USO1: variants seen among roughly 807,000 people sequenced by gnomAD.
The protein encoded by USO1 is general vesicular transport factor p115.
A neutral mutation model predicts 124.5 loss-of-function variants in USO1; 57 were observed. The ratio of observed to expected loss-of-function variants is 0.46; its 90% CI spans 0.37 to 0.57. The LOEUF is 0.57. Among genes scored for constraint, USO1 ranks in the 20% least tolerant of loss-of-function variants. The pLI is 0.00. For missense variants in USO1, 900 were observed against 1,040.6 expected, an observed-to-expected ratio of 0.86 and a Z score of 1.86; for synonymous variants, 369 against 362.8, an observed-to-expected ratio of 1.02 and a Z score of -0.19.
At chr4:75,771,184 T>C (rs899078280) in intron 7 of USO1, 47 bp downstream of exon 7, 1 of 1,546,416 alleles carries the variant, frequency 6.5e-7, no homozygotes, top group South Asian at 1.2e-5. Context: ...GGCTTTTTTT[T>C]CTCTTGCAAA....
chr4:75,775,953 T>A (rs1183522904), intron 8 of USO1, among the ~76,000 whole-genome samples: 2 of 152,128 alleles, frequency 1.3e-5, no homozygotes, highest in Non-Finnish European at 2.9e-5. Flanking sequence ...TCGCCAAAGA[T>A]GAGGCAAAAA....
intron 3 of USO1, among the ~76,000 whole-genome samples, chr4:75,756,328 A>G (rs894208416): frequency 6.6e-6 from 1 of 152,056 alleles, no homozygotes; most frequent in Non-Finnish European, 1.5e-5. Flanking sequence ...GCAGGAAAAA[A>G]GAAGCAGATT....
chr4:75,787,519 A>G lies in USO1; in HGVS notation c.996+317A>G, dbSNP rs142901050. 8.7e-4 allele frequency among the ~76,000 whole-genome samples: 133 copies of G among 152,284 alleles called. 1 individual carries two copies. The highest frequency in any genetic ancestry group is 3.0e-3 in the African/African-American group (126 of 41,570). ...TCGTTTTTATTTTGAGAACAAAGTG[A>G]CTTAGTCTTACTCAACCGGCAGATT... On this transcript the variant is annotated intron_variant, in intron 10 of 23. Coordinates refer to ENST00000514213, the MANE Select transcript of USO1 (RefSeq NM_003715.4).
At chr4:75,725,026 C>A (rs1048079517) in intron 1 of USO1, 141 bp downstream of exon 1, 2 of 846,026 alleles carry the variant, frequency 2.4e-6, no homozygotes, top group Non-Finnish European at 3.7e-6. Context: ...GCCCTCCTTC[C>A]GCTCCTGAAA....
chr4:75,760,708 A>T (rs1721580758), intron 4 of USO1: 1 of 392,512 alleles, frequency 2.5e-6, no homozygotes, highest in South Asian at 1.3e-4. Flanking sequence ...TAAAAAAAAA[A>T]TCTGAAATTT....
intron 4 of USO1, chr4:75,770,229 C>A: frequency 2.9e-6 from 1 of 341,478 alleles, no homozygotes; most frequent in Non-Finnish European, 5.1e-6. Flanking sequence ...CATATTTAAA[C>A]ATTTAGCCAA....
chr4:75,754,899 TG>T (rs1289205879), intron 3 of USO1, among the ~76,000 whole-genome samples: 1 of 152,202 alleles, frequency 6.6e-6, no homozygotes, highest in African/African-American at 2.4e-5. Flanking sequence ...ATAGTTTCTG[TG>T]GATCAGGAAT....
rs144439544 is a variant in USO1, at chr4:75,805,294, T to C, written c.2280T>C (p.Ile760=). The C allele has an allele frequency of 1.1e-4, 182 of 1,599,402 alleles. No individual in the cohort carries two copies. The African/African-American group carries it at 2.2e-3, about 19-fold the overall frequency. Residue 760 remains isoleucine, a synonymous_variant, in exon 19 of 24, where the codon ATT becomes ATC. Transcript: ENST00000514213. ...QSQLTEKDSM[I]ENMKSSQTSG... is the part of the protein sequence containing the mutation. ...AGCTGACTGAAAAGGACTCTATGATTGAAAATATGGTAAAGTAAATGTTTA... is the reference window on the plus strand; with the variant it reads ...AGCTGACTGAAAAGGACTCTATGATCGAAAATATGGTAAAGTAAATGTTTA...
intron 1 of USO1, among the ~76,000 whole-genome samples, chr4:75,725,158 A>G (rs574369363): frequency 6.6e-6 from 1 of 152,326 alleles, no homozygotes; most frequent in South Asian, 2.1e-4. Flanking sequence ...AGTGGTCCGC[A>G]GGTGGTACCG....
intron 1 of USO1, among the ~76,000 whole-genome samples, chr4:75,729,031 C>T (rs145512170): frequency 7.2e-5 from 11 of 152,240 alleles, no homozygotes; most frequent in African/African-American, 2.6e-4. Flanking sequence ...CTCCTGACTT[C>T]GTGATCCGCC....
intron 1 of USO1, among the ~76,000 whole-genome samples, chr4:75,746,254 A>G (rs190385595): frequency 6.6e-6 from 1 of 152,316 alleles, no homozygotes; most frequent in East Asian, 1.9e-4. Flanking sequence ...ACTTAAAGAT[A>G]CTCACAACTC....
At chr4:75,788,203 T>C (rs1722421834) in intron 10 of USO1, among the ~76,000 whole-genome samples, 1 of 149,480 alleles carries the variant, frequency 6.7e-6, no homozygotes, top group African/African-American at 2.5e-5. Flanking sequence ...AGTCTCAGTC[T>C]GTTGCCCAGG....
In USO1 at chr4:75,799,693, A is replaced by G; in HGVS notation, c.1524A>G (p.Ala508=). The change falls in exon 14 of 24, where the codon GCA becomes GCG. Residue 508 remains alanine (A), a synonymous_variant. Coordinates refer to ENST00000514213, the MANE Select transcript of USO1 (RefSeq NM_003715.4). ...LCTWLSNCPI[A]VTHFLHNSAN... is the part of the protein sequence containing the mutation. Reference sequence around the variant, plus strand: ...CCTGGCTAAGCAATTGTCCCATTGCAGTAACGCATTTTCTTCACAATTCAG... The same window carrying G: ...CCTGGCTAAGCAATTGTCCCATTGCGGTAACGCATTTTCTTCACAATTCAG... The G allele has an allele frequency of 6.2e-7, 1 of 1,613,836 alleles. No homozygotes were observed. Among genetic ancestry groups the G allele is most frequent in the Non-Finnish European group, 8.5e-7 (1 of 1,179,790 alleles).
intron 14 of USO1, 52 bp from the exon 15 acceptor site, chr4:75,800,299 G>T: frequency 6.6e-7 from 1 of 1,522,280 alleles, no homozygotes; most frequent in Admixed American, 2.2e-5. Context: ...AATTCAAATT[G>T]CAAAATGTAC....
At position 75,795,221 on chromosome 4, in the gene USO1, A is replaced by T; in HGVS notation, c.1452+1320A>T. 6 of 662,540 alleles carry T rather than the reference A, an allele frequency of 9.1e-6. No individual in the cohort carries two copies. In the South Asian group the frequency reaches 1.0e-4, roughly 11 times the overall value. 41.0% of individuals were successfully genotyped at this position (662,540 alleles called of 1,614,324 possible). On this transcript the variant is annotated intron_variant, in intron 13 of 23. Transcript: ENST00000514213. ...TATCATTAGAACCATCCTGTCCCAAATTATTGGCTTGAGTTTGTAGAGAGA... is the reference window on the plus strand; with the variant it reads ...TATCATTAGAACCATCCTGTCCCAATTTATTGGCTTGAGTTTGTAGAGAGA...
chr4:75,741,271 G>A (rs997463191), intron 1 of USO1, among the ~76,000 whole-genome samples: 2 of 152,114 alleles, frequency 1.3e-5, no homozygotes, highest in African/African-American at 2.4e-5. Flanking sequence ...TATATAGGTC[G>A]CTTAATCATG....
intron 8 of USO1, among the ~76,000 whole-genome samples, chr4:75,776,022 A>G (rs1438838058): frequency 6.6e-6 from 1 of 152,232 alleles, no homozygotes; most frequent in Non-Finnish European, 1.5e-5. Context: ...AGTAGACAGC[A>G]GAGCTTAGAG....
At position 75,726,621 on chromosome 4, in the gene USO1, A is replaced by G. The variant is rs192424968; in HGVS notation, c.66+1736A>G. The stretch of plus-strand genomic sequence containing the variant: ...TGGTTAGAATTGTTTAAAGCATAAG[A>G]TGAAAGCCGGTAAATCTGTTTCTTT... On this transcript the variant is annotated intron_variant, in intron 1 of 23. Coordinates refer to ENST00000514213, the MANE Select transcript of USO1 (RefSeq NM_003715.4). 3.6e-3 allele frequency among the ~76,000 whole-genome samples: 544 copies of G among 152,080 alleles called. 3 individuals are homozygous for G. The highest frequency in any genetic ancestry group is 0.013 in the African/African-American group (529 of 41,490).
At chr4:75,757,454 C>G in intron 3 of USO1, 43 bp from the exon 4 acceptor site, 2 of 1,403,718 alleles carry the variant, frequency 1.4e-6, no homozygotes, top group Non-Finnish European at 1.9e-6. Context: ...ACAGTTTATA[C>G]TCTCATCAGC....
Sources: allele counts gnomAD v4.1 joint callset (sites outside exome capture counted in the v4.1 genomes callset), GRCh38; gene constraint gnomAD v4.1.1; transcripts MANE v1.5; gene names NCBI Gene and HGNC (gene_info 2026-07-23, HGNC 2026-07-21).